The following CEP152 variants were observed in gnomAD, a reference collection of about 807,000 sequenced individuals.
CEP152 encodes the protein centrosomal protein 152.
Under a neutral mutation model 188.9 loss-of-function variants are expected in CEP152, and 132 were observed. The ratio of observed to expected loss-of-function variants is 0.70; its 90% confidence interval spans 0.61 to 0.81. The LOEUF is 0.81. Ranked by LOEUF, CEP152 falls within the 30% of genes least tolerant of loss-of-function variation. The probability of loss-of-function intolerance (pLI) is 0.00; values close to 1 mark genes in which losing one functional copy is unlikely to be tolerated. For synonymous variants in CEP152, 649 were observed against 666.6 expected (o/e 0.97, Z 0.41); for missense variants, 1,914 against 1,969.8 (o/e 0.97, Z 0.54).
chr15:48,797,181 A>T (rs1897348542), intron 5 of CEP152, 120 bp downstream of exon 5: 1 of 1,162,368 alleles, frequency 8.6e-7, no homozygotes. Flanking sequence ...GCCCTCTCAG[A>T]ACTTCGTGTG....
chr15:48,770,537 T>C (rs1895455567), intron 13 of CEP152, among the ~76,000 whole-genome samples: 1 of 152,190 alleles, frequency 6.6e-6, no homozygotes. Flanking sequence ...CACCAAGATA[T>C]CTGAGCTAAG....
chr15:48,772,425 G>A, intron 13 of CEP152, 62 bp downstream of exon 13: 1 of 1,408,746 alleles, frequency 7.1e-7, no homozygotes, highest in Non-Finnish European at 9.9e-7. Flanking sequence ...AAAAAAAAGT[G>A]TAAAAGTTTT....
At chr15:48,795,977 G>C (rs745472995) in intron 6 of CEP152, 33 bp downstream of exon 6, 1 of 1,585,194 alleles carries the variant, frequency 6.3e-7, no homozygotes, top group Non-Finnish European at 8.7e-7. Flanking sequence ...CAATTATGTG[G>C]TATTAAAAAA....
chr15:48,766,986 T>A (rs1895158847), intron 17 of CEP152, 74 bp downstream of exon 17: 1 of 1,585,134 alleles, frequency 6.3e-7, no homozygotes, highest in Non-Finnish European at 8.6e-7. Flanking sequence ...CTAGAACAAA[T>A]GTATTCGTTT....
At chr15:48,807,462 G>C (rs1283288680) in intron 1 of CEP152, among the ~76,000 whole-genome samples, 1 of 151,984 alleles carries the variant, frequency 6.6e-6, no homozygotes, top group Non-Finnish European at 1.5e-5. Flanking sequence ...GGCTGAGGAA[G>C]GAGAAGGGCG....
intron 12 of CEP152, among the ~76,000 whole-genome samples, chr15:48,780,286 C>G (rs1896162260): frequency 6.6e-6 from 1 of 152,152 alleles, no homozygotes; most frequent in African/African-American, 2.4e-5. Context: ...TGGAGCCTTA[C>G]TAAACTAGAA....
Position 48,767,282 on chromosome 15 carries a change from TA to T in CEP152, c.2147+52del, listed in dbSNP as rs1229103869. On this transcript the variant is annotated intron_variant, in intron 16 of 26. Transcript: ENST00000380950. ...AACAATTTTCCTCTAAATTATGGAA[TA>T]GGGGAATGTAGTCTCTACAGCTTAA... 4 of 1,613,912 alleles carry T rather than the reference TA, an allele frequency of 2.5e-6. No homozygotes were observed. The African/African-American group carries it at 5.3e-5, about 22-fold the overall frequency.
intron 12 of CEP152, among the ~76,000 whole-genome samples, chr15:48,779,555 A>C (rs1475072864): frequency 6.6e-6 from 1 of 152,224 alleles, no homozygotes; most frequent in Non-Finnish European, 1.5e-5. Flanking sequence ...AACGTGTTAC[A>C]TAAGGCCTTT....
In CEP152 at chr15:48,741,362, C is replaced by A. The variant is rs191153133; in HGVS notation, c.4093+239G>T. 2.8e-5 allele frequency: 37 copies of A among 1,324,992 alleles called. 1 individual carries two copies. The highest frequency in any genetic ancestry group is 4.8e-6 in the Non-Finnish European group (5 of 1,035,758). The allele number at this position is 1,324,992 out of a possible 1,614,324, so 82.1% of individuals were successfully genotyped here. ...TCATTCTTTATTTGCTGTTTAAAATCTTTTCTATCATTTCGAGGGATGGAA... is the reference window on the plus strand; with the variant it reads ...TCATTCTTTATTTGCTGTTTAAAATATTTTCTATCATTTCGAGGGATGGAA... On this transcript the variant is annotated intron_variant, in intron 26 of 26. Transcript: ENST00000380950.
intron 26 of CEP152, among the ~76,000 whole-genome samples, chr15:48,740,329 T>A (rs1023536941): frequency 1.3e-5 from 2 of 152,094 alleles, no homozygotes; most frequent in African/African-American, 4.8e-5. Context: ...TCATTCTCCA[T>A]CCCCTGATTT....
chr15:48,771,304 C>T (rs1179694677), intron 13 of CEP152, among the ~76,000 whole-genome samples: 1 of 152,156 alleles, frequency 6.6e-6, no homozygotes, highest in Non-Finnish European at 1.5e-5. Flanking sequence ...GCTTCATTTT[C>T]CGAACTGAAG....
At chr15:48,760,363 G>A (rs1354857520) in intron 18 of CEP152, 97 bp from the exon 19 acceptor site, 2 of 1,403,352 alleles carry the variant, frequency 1.4e-6, no homozygotes, top group Admixed American at 1.7e-5. Context: ...ATTTTATACT[G>A]TATATCACTA....
chr15:48,809,094 T>A (rs1351429951), intron 1 of CEP152, among the ~76,000 whole-genome samples: 6 of 152,182 alleles, frequency 3.9e-5, no homozygotes, highest in African/African-American at 1.4e-4. Context: ...CAATGGGTAT[T>A]TGGACAAAAG....
chr15:48,770,949 C>T (rs1307594070), intron 13 of CEP152, among the ~76,000 whole-genome samples: 2 of 128,246 alleles, frequency 1.6e-5, no homozygotes, highest in African/African-American at 4.0e-5. Flanking sequence ...ATGAACACAA[C>T]TCCTAGTTTA....
At chr15:48,771,208 T>C (rs1895509190) in intron 13 of CEP152, among the ~76,000 whole-genome samples, 1 of 152,160 alleles carries the variant, frequency 6.6e-6, no homozygotes, top group South Asian at 2.1e-4. Flanking sequence ...TACAGAAATA[T>C]CTTTGACTTA....
rs1595708706 is a variant in CEP152, at chr15:48,805,574, T to C, written c.76A>G (p.Arg26Gly). The change falls in exon 2 of 27, where the codon AGA becomes GGA. Residue 26 changes from arginine (R) to glycine (G), a missense_variant. By Grantham distance (125) the Arg-to-Gly change is moderately radical. Coordinates refer to ENST00000380950, the MANE Select transcript of CEP152 (RefSeq NM_001194998.2). ...DEEYDEEDYE[R>G]EKELQQLLTD... ...TTTTAACAACTTACCTCTTTCTCTC[T>C]TTCATAGTCCTCTTCGTCATACTCT... The C allele has an allele frequency of 6.2e-7, 1 of 1,607,748 alleles. No homozygotes were observed. Among genetic ancestry groups the C allele is most frequent in the South Asian group, 1.1e-5 (1 of 90,716 alleles).
downstream of CEP152, among the ~76,000 whole-genome samples, chr15:48,736,243 C>T (rs990387651): frequency 6.6e-6 from 1 of 152,138 alleles, no homozygotes; most frequent in Non-Finnish European, 1.5e-5. Flanking sequence ...AATGCTACAC[C>T]AATTCTTTCA....
In CEP152 at chr15:48,787,163, G is replaced by GTTTTTTGTTT. The variant is rs71120640; in HGVS notation, c.1173+1637_1173+1638insAAACAAAAAA. Among the ~76,000 whole-genome samples the GTTTTTTGTTT allele has an allele frequency of 4.4e-4, 45 of 101,522 alleles. 2 individuals are homozygous for GTTTTTTGTTT. The highest frequency in any genetic ancestry group is 1.8e-3 in the South Asian group (5 of 2,836). The allele number at this position is 101,522 out of a possible 152,430, so 66.6% of individuals were successfully genotyped here. A position where few individuals can be genotyped will look rare whatever the true frequency, so the allele number is the denominator to read the frequency against. On this transcript the variant is annotated intron_variant, in intron 9 of 26. Transcript: ENST00000380950. ...TTTTCAATAATTTGGTATAGCCTTC[G>GTTTTTTGTTT]TTTTTTTTTTTTTTTTTTTCTGGAA... is the stretch of plus-strand genomic sequence containing the variant.
chr15:48,773,029 A>G (rs1294375176), intron 12 of CEP152, among the ~76,000 whole-genome samples: 7 of 152,226 alleles, frequency 4.6e-5, no homozygotes, highest in African/African-American at 1.4e-4. Flanking sequence ...TCTAACAGAA[A>G]CAACATAAAT....
Sources: gnomAD v4.1 joint callset for allele counts (sites outside exome capture counted in the v4.1 genomes callset) on GRCh38, gnomAD v4.1.1 for gene constraint, MANE v1.5 for transcripts, NCBI Gene and HGNC (gene_info 2026-07-23, HGNC 2026-07-21) for gene names.